STAU1: variants seen among roughly 807,000 people sequenced by gnomAD.
The protein encoded by STAU1 is staufen double-stranded RNA binding protein 1.
A neutral mutation model predicts 62.9 loss-of-function variants in STAU1; 13 were observed. The observed-to-expected ratio is 0.21, with a 90% CI of 0.13 to 0.33. The LOEUF is 0.33. Ranked by LOEUF, STAU1 falls within the 10% of genes least tolerant of loss-of-function variation. The pLI is 1.00. For missense variants in STAU1, 571 were observed against 712.1 expected, an observed-to-expected ratio of 0.80 and a Z score of 2.25; for synonymous variants, 269 against 265.1, an observed-to-expected ratio of 1.01 and a Z score of -0.14.
intron 2 of STAU1, among the ~76,000 whole-genome samples, chr20:49,173,516 C>T (rs2093623548): frequency 6.6e-6 from 1 of 152,192 alleles, no homozygotes; most frequent in African/African-American, 2.4e-5. Context: ...ATTCACTGAG[C>T]TTTGTACAAC....
intron 8 of STAU1, 72 bp from the exon 9 acceptor site, chr20:49,120,200 T>A: frequency 6.6e-7 from 1 of 1,524,114 alleles, no homozygotes; most frequent in Non-Finnish European, 8.9e-7. Context: ...AATTGGTGTG[T>A]CAGCAAAATA....
At chr20:49,203,839 A>G in the STAU1 span, among the ~76,000 whole-genome samples, 1 of 152,294 alleles carries the variant, frequency 6.6e-6, no homozygotes, top group South Asian at 2.1e-4. Context: ...GGCGTGCGCC[A>G]CCACGCCTGG....
chr20:49,204,658 T>C, the STAU1 span, among the ~76,000 whole-genome samples: 137 of 101,618 alleles, frequency 1.3e-3, no homozygotes, highest in African/African-American at 4.9e-3. Context: ...TTTTTTTTTT[T>C]TTTTTTTTTT....
At chr20:49,140,817 A>C (rs1971864616) in intron 5 of STAU1, among the ~76,000 whole-genome samples, 2 of 152,222 alleles carry the variant, frequency 1.3e-5, no homozygotes, top group Admixed American at 1.3e-4. Flanking sequence ...ATTTTTTAAA[A>C]AGCAGCAACA....
chr20:49,151,664 T>C lies in STAU1; in HGVS notation c.428A>G (p.Lys143Arg), dbSNP rs758176171. The change falls in exon 5 of 14, where the codon AAG becomes AGG. Residue 143 changes from lysine to arginine, a missense_variant. Physicochemically the swap from Lys to Arg is conservative, Grantham distance 26. This residue lies in a region of STAU1 where 414 missense variants were observed against 499.6 expected (regional missense o/e 0.83). Coordinates refer to ENST00000371856, the MANE Select transcript of STAU1 (RefSeq NM_017453.4). ...ATCGTGTTTCGCAGCCTGTCTTGTC[T>C]TTCCTTTGCCATTAAATTGCTGTCC... ...VGGQQFNGKG[K>R]TRQAAKHDAA... 6.2e-6 allele frequency: 10 copies of C among 1,613,410 alleles called. No individual in the cohort carries two copies. Among genetic ancestry groups the C allele is most frequent in the Non-Finnish European group, 6.8e-6 (8 of 1,179,788 alleles).
At chr20:49,179,284 T>A (rs947710582) in intron 1 of STAU1, 1 of 151,774 alleles carries the variant, frequency 6.6e-6, no homozygotes, top group East Asian at 1.9e-4. Flanking sequence ...TAGCAAATTA[T>A]AGAAAGTCCC....
chr20:49,141,465 C>T (rs1459783831), intron 5 of STAU1, among the ~76,000 whole-genome samples: 1 of 152,124 alleles, frequency 6.6e-6, no homozygotes, highest in Non-Finnish European at 1.5e-5. Context: ...GTGGAGTGTG[C>T]CTATAGTCCC....
the STAU1 span, among the ~76,000 whole-genome samples, chr20:49,217,714 G>C: frequency 6.8e-6 from 1 of 146,326 alleles, no homozygotes; most frequent in Non-Finnish European, 1.5e-5. Flanking sequence ...AGGCGCAGTG[G>C]CTCATGCCTG....
chr20:49,170,122 A>C (rs922209682), intron 2 of STAU1, among the ~76,000 whole-genome samples: 1 of 152,200 alleles, frequency 6.6e-6, no homozygotes, highest in African/African-American at 2.4e-5. Context: ...TGGTCACAAA[A>C]TGTGTATTCA....
intron 1 of STAU1, among the ~76,000 whole-genome samples, chr20:49,180,290 T>TC (rs1260856454): frequency 4.6e-5 from 7 of 151,450 alleles, no homozygotes; most frequent in African/African-American, 1.7e-4. Context: ...AATGAATTTT[T>TC]TTTTTTAGCA....
At chr20:49,195,535 C>CAAAAAAAAAAAAAAAAAAAAAA in the STAU1 span, among the ~76,000 whole-genome samples, 2 of 38,146 alleles carry the variant, frequency 5.2e-5, no homozygotes, top group African/African-American at 1.6e-4. Flanking sequence ...GACTCCGTCT[C>CAAAAAAAAAAAAAAAAAAAAAA]AAAAAAAAAA....
Position 49,183,165 on chromosome 20 carries a change from A to C in STAU1, c.-160+4951T>G, listed in dbSNP as rs1027442234. On this transcript the variant is annotated intron_variant, in intron 1 of 13. Coordinates refer to ENST00000371856, the MANE Select transcript of STAU1 (RefSeq NM_017453.4). ...CAACCACAAATGTCTCCATCACCAG[A>C]AGTCAATGTAAAATAACCTGTTATA... Among the ~76,000 whole-genome samples, 3 of 152,336 alleles carry C rather than the reference A, an allele frequency of 2.0e-5. No homozygotes were observed. In the South Asian group the frequency reaches 6.2e-4, roughly 32 times the overall value.
At chr20:49,135,795 T>C (rs1276528041) in intron 6 of STAU1, 38 bp downstream of exon 6, 2 of 1,490,764 alleles carry the variant, frequency 1.3e-6, no homozygotes, top group Admixed American at 3.6e-5. Context: ...GCTAACAGGA[T>C]TTTAGAATAC....
At chr20:49,180,910 A>G (rs1205891315) in intron 1 of STAU1, among the ~76,000 whole-genome samples, 1 of 152,136 alleles carries the variant, frequency 6.6e-6, no homozygotes, top group African/African-American at 2.4e-5. Context: ...CACCAGTGAC[A>G]AGCAGAATCA....
chr20:49,145,959 C>A (rs995905612), intron 5 of STAU1, among the ~76,000 whole-genome samples: 9 of 151,860 alleles, frequency 5.9e-5, no homozygotes, highest in Non-Finnish European at 1.2e-4. Context: ...ACTGAGGAAA[C>A]AAGAAGGGTT....
Position 49,114,846 on chromosome 20 carries a change from G to C in STAU1, c.*32C>G, listed in dbSNP as rs769678155. ...TTCAGTATTTTCAGTATATATGTTG[G>C]GATTTTATAATGGTTCATGGCCAGA... On this transcript the variant is annotated 3_prime_UTR_variant, in exon 14 of 14. Transcript: ENST00000371856. 4.3e-6 allele frequency: 7 copies of C among 1,610,986 alleles called. No individual in the cohort carries two copies. The highest frequency in any genetic ancestry group is 5.9e-6 in the Non-Finnish European group (7 of 1,177,954).
Position 49,113,628 on chromosome 20 carries a change from G to A in STAU1, c.*1250C>T, listed in dbSNP as rs2092233825. The A allele has an allele frequency of 6.6e-6, 1 of 152,574 alleles. No homozygotes were observed. The highest frequency in any genetic ancestry group is 1.5e-5 in the Non-Finnish European group (1 of 68,048). 9.5% of individuals were successfully genotyped at this position (152,574 alleles called of 1,614,324 possible). A position where few individuals can be genotyped will look rare whatever the true frequency, so the allele number is the denominator to read the frequency against. On this transcript the variant is annotated 3_prime_UTR_variant, in exon 14 of 14. Transcript: ENST00000371856. Reference sequence around the variant, plus strand: ...GAATGGAAGCAGTACTTAACTCGCAGGGCTACCAGGCTTTCCATACGGACC... The same window carrying A: ...GAATGGAAGCAGTACTTAACTCGCAAGGCTACCAGGCTTTCCATACGGACC...
chr20:49,183,814 T>C (rs192826437), intron 1 of STAU1, among the ~76,000 whole-genome samples: 2 of 152,124 alleles, frequency 1.3e-5, no homozygotes, highest in Non-Finnish European at 2.9e-5. Context: ...CGCTTATTGA[T>C]ACAAACAAGA....
At chr20:49,204,543 T>C in the STAU1 span, among the ~76,000 whole-genome samples, 1 of 144,396 alleles carries the variant, frequency 6.9e-6, no homozygotes, top group Non-Finnish European at 1.5e-5. Flanking sequence ...TAAACAATGC[T>C]GCTGTCAACA....
Sources: gnomAD v4.1 joint callset for allele counts (sites outside exome capture counted in the v4.1 genomes callset) on GRCh38, gnomAD v4.1.1 for gene constraint, gnomAD v4.1.1 regional missense constraint, MANE v1.5 for transcripts, NCBI Gene and HGNC (gene_info 2026-07-23, HGNC 2026-07-21) for gene names.